Variants in SNRPA observed in about 807,000 individuals in gnomAD.
The protein encoded by SNRPA is U1 small nuclear ribonucleoprotein A.
Under a neutral mutation model 24.5 loss-of-function variants are expected in SNRPA, and 10 were observed. The ratio of observed to expected loss-of-function variants is 0.41; its 90% confidence interval spans 0.25 to 0.69. SNRPA has a LOEUF of 0.69. SNRPA is among the 30% of genes least tolerant of loss of function. SNRPA has a pLI of 0.33. For synonymous variants in SNRPA, 165 were observed against 148.4 expected (o/e 1.11, Z -0.81); for missense variants, 283 against 394.7 (o/e 0.72, Z 2.40).
At chr19:40,754,020 G>C (rs922603085) in intron 1 of SNRPA, among the ~76,000 whole-genome samples, 8 of 150,006 alleles carry the variant, frequency 5.3e-5, no homozygotes, top group African/African-American at 1.7e-4. Flanking sequence ...CCAGGATGGT[G>C]TTGATTTCCT....
chr19:40,753,452 A>G (rs12151251), intron 1 of SNRPA, among the ~76,000 whole-genome samples: 50,723 of 113,052 alleles, frequency 0.45, 11,066 homozygotes, highest in Admixed American at 0.6. Context: ...GCTGGAGTGC[A>G]GTGGCACGAT....
At chr19:40,763,136 G>T in intron 4 of SNRPA, 62 bp downstream of exon 4, 1 of 1,318,382 alleles carries the variant, frequency 7.6e-7, no homozygotes, top group Non-Finnish European at 1.0e-6. Flanking sequence ...GACTAGAAAG[G>T]GACCAGTTGG....
In SNRPA at chr19:40,751,330, T is replaced by G; in HGVS notation, c.-79T>G. 1 of 1,110,920 alleles carries G rather than the reference T, an allele frequency of 9.0e-7. No individual in the cohort carries two copies. Among genetic ancestry groups the G allele is most frequent in the Non-Finnish European group, 1.4e-6 (1 of 721,978 alleles). The allele number at this position is 1,110,920 out of a possible 1,614,324, so 68.8% of individuals were successfully genotyped here. ...GAGGAAGATCCTTGAGCAGCCGACG[T>G]TGGGACAAAGGATTTGGAGAAACCC... On this transcript the variant is annotated 5_prime_UTR_variant, in exon 1 of 6. Transcript: ENST00000243563.
Position 40,762,812 on chromosome 19 carries a change from C to T in SNRPA, c.427-89C>T. 1.2e-5 allele frequency: 16 copies of T among 1,389,608 alleles called. No homozygotes were observed. The South Asian group carries it at 1.8e-4, about 15-fold the overall frequency. The allele number at this position is 1,389,608 out of a possible 1,614,324, so 86.1% of individuals were successfully genotyped here. On this transcript the variant is annotated intron_variant, in intron 3 of 5. Coordinates refer to ENST00000243563, the MANE Select transcript of SNRPA (RefSeq NM_004596.5). ...GCCTCTTTCTGGGTGTTTTTCCTTACATCTCTCACCCGCTAGGTTTCCTTT... is the reference window on the plus strand; with the variant it reads ...GCCTCTTTCTGGGTGTTTTTCCTTATATCTCTCACCCGCTAGGTTTCCTTT...
chr19:40,755,387 A>G (rs1178387796), intron 1 of SNRPA, among the ~76,000 whole-genome samples: 1 of 148,030 alleles, frequency 6.8e-6, no homozygotes, highest in Non-Finnish European at 1.5e-5. Context: ...AATTATAGGC[A>G]TGAGCCACCA....
chr19:40,762,868 T>C, intron 3 of SNRPA, 33 bp from the exon 4 acceptor site: 6 of 1,608,124 alleles, frequency 3.7e-6, no homozygotes, highest in Non-Finnish European at 5.1e-6. Flanking sequence ...CTGGGGCTGC[T>C]GTAACCACGC....
At position 40,751,382 on chromosome 19, in the gene SNRPA, TTAAGACTTACC is replaced by T; in HGVS notation, c.-25_-15del. On this transcript the variant is annotated 5_prime_UTR_variant, in exon 1 of 6. Transcript: ENST00000243563. ...GGGCTAAAGTCACGTTTTTCCTCCT[TTAAGACTTACC>T]TCAACACTTCACTCCATGGCAGTTC... 6.3e-7 allele frequency: 1 copy of T among 1,587,428 alleles called. No homozygotes were observed. The highest frequency in any genetic ancestry group is 1.1e-5 in the South Asian group (1 of 90,488).
chr19:40,761,464 T>TC (rs2082932236), intron 3 of SNRPA, among the ~76,000 whole-genome samples: 2 of 67,146 alleles, frequency 3.0e-5, no homozygotes, highest in Admixed American at 1.3e-4. Flanking sequence ...TTTTCTTTTT[T>TC]TTTTTTTTTT....
intron 3 of SNRPA, among the ~76,000 whole-genome samples, chr19:40,760,858 G>A (rs957823659): frequency 1.3e-5 from 2 of 152,236 alleles, no homozygotes; most frequent in Non-Finnish European, 2.9e-5. Context: ...AGGATCGCTT[G>A]AGAACTGGAG....
chr19:40,752,579 CAAAAAAAAAAA>C (rs59705765), intron 1 of SNRPA, among the ~76,000 whole-genome samples: 2 of 61,280 alleles, frequency 3.3e-5, no homozygotes, highest in Admixed American at 2.3e-4. Flanking sequence ...CTTTTCTCTA[CAAAAAAAAAAA>C]AAAAAAAAAA....
At chr19:40,763,155 T>C in intron 4 of SNRPA, 81 bp downstream of exon 4, 1 of 1,180,916 alleles carries the variant, frequency 8.5e-7, no homozygotes, top group Non-Finnish European at 1.2e-6. Context: ...GGGGGGCTGC[T>C]GTAGGTTGGG....
intron 1 of SNRPA, among the ~76,000 whole-genome samples, chr19:40,751,943 C>T (rs1345266064): frequency 6.6e-6 from 1 of 152,212 alleles, no homozygotes. Context: ...CGCTCTGTAT[C>T]ATGGGCTGGT....
chr19:40,752,994 T>TTATCGGGAGA (rs1211799583), intron 1 of SNRPA, among the ~76,000 whole-genome samples: 1 of 152,152 alleles, frequency 6.6e-6, no homozygotes, highest in Non-Finnish European at 1.5e-5. Flanking sequence ...TTCAAGAAAA[T>TTATCGGGAGA]TATCGGGAGA....
intron 3 of SNRPA, among the ~76,000 whole-genome samples, chr19:40,761,259 C>T (rs2082930340): frequency 2.6e-5 from 4 of 151,828 alleles, no homozygotes; most frequent in South Asian, 4.1e-4. Flanking sequence ...GATGTGTGAT[C>T]GAGGTACCAC....
Position 40,762,884 on chromosome 19 carries a change from C to T in SNRPA, c.427-17C>T, listed in dbSNP as rs1369249725. ...TGGGGCTGCTGTAACCACGCACTCT[C>T]CTCCCTCTCTCCACAGGGCATGCCG... is the stretch of plus-strand genomic sequence containing the variant. On this transcript the variant is annotated splice_polypyrimidine_tract_variant and intron_variant, in intron 3 of 5. Coordinates refer to ENST00000243563, the MANE Select transcript of SNRPA (RefSeq NM_004596.5). The T allele has an allele frequency of 6.2e-7, 1 of 1,612,340 alleles. No homozygotes were observed. Among genetic ancestry groups the T allele is most frequent in the South Asian group, 1.1e-5 (1 of 90,918 alleles).
chr19:40,760,351 T>C (rs2082926364), intron 3 of SNRPA, among the ~76,000 whole-genome samples: 1 of 152,092 alleles, frequency 6.6e-6, no homozygotes, highest in Admixed American at 6.6e-5. Context: ...AGACTTCACA[T>C]TGAAAAGTAG....
chr19:40,762,797 G>C, intron 3 of SNRPA, 104 bp from the exon 4 acceptor site: 1 of 1,232,764 alleles, frequency 8.1e-7, no homozygotes, highest in Non-Finnish European at 1.1e-6. Context: ...GCCTCTTTCT[G>C]GGTGTTTTTC....
At chr19:40,760,373 A>G (rs149433751) in intron 3 of SNRPA, among the ~76,000 whole-genome samples, 4 of 152,336 alleles carry the variant, frequency 2.6e-5, no homozygotes, top group African/African-American at 7.2e-5. Context: ...ACTGAGGGGT[A>G]AATCCAACAA....
chr19:40,757,491 A>AT lies in SNRPA; in HGVS notation c.234dup (p.Asp79Ter). 6.2e-7 allele frequency: 1 copy of AT among 1,611,814 alleles called. No homozygotes were observed. The highest frequency in any genetic ancestry group is 1.3e-5 in the African/African-American group (1 of 74,824). ...CGCTCCATGCAGGGTTTCCCTTTCT[A>AT]TGACAAACCTATGGTGAGCATTGCG... On this transcript the variant is annotated frameshift_variant, in exon 2 of 6. Coordinates refer to ENST00000243563, the MANE Select transcript of SNRPA (RefSeq NM_004596.5). LOFTEE classifies it high-confidence loss of function.
Sources: allele counts gnomAD v4.1 joint callset (sites outside exome capture counted in the v4.1 genomes callset), GRCh38; gene constraint gnomAD v4.1.1; transcripts MANE v1.5; gene names NCBI Gene and HGNC (gene_info 2026-07-23, HGNC 2026-07-21).